The following SRR variants were observed in gnomAD, a reference collection of about 807,000 sequenced individuals.
SRR encodes the protein D-serine ammonia-lyase.
Under a neutral mutation model 32.7 loss-of-function variants are expected in SRR, and 19 were observed. The observed-to-expected ratio is 0.58, with a 90% confidence interval of 0.40 to 0.85. The LOEUF (loss-of-function observed/expected upper bound fraction) is 0.85. Ranked by LOEUF, SRR falls within the 40% of genes least tolerant of loss-of-function variation. The pLI, the probability that SRR is intolerant of heterozygous loss-of-function variation, is 0.00. For missense variants in SRR, 373 were observed against 404.7 expected (o/e 0.92, Z 0.67); for synonymous variants, 142 against 140.9 (o/e 1.01, Z -0.06).
At chr17:2,307,210 G>C (rs937490924) in intron 1 of SRR, 10 of 1,347,734 alleles carry the variant, frequency 7.4e-6, no homozygotes, top group Non-Finnish European at 1.0e-5. Context: ...CTTTGCCTTT[G>C]TAACCTTTGA....
intron 1 of SRR, among the ~76,000 whole-genome samples, chr17:2,305,918 C>T (rs905694108): frequency 5.9e-5 from 9 of 151,462 alleles, no homozygotes; most frequent in Non-Finnish European, 1.3e-4. Flanking sequence ...AGTCTGGTCT[C>T]GAACTCCTGA....
chr17:2,314,872 T>C (rs2075459740), intron 1 of SRR, among the ~76,000 whole-genome samples: 2 of 151,636 alleles, frequency 1.3e-5, no homozygotes, highest in African/African-American at 4.8e-5. Context: ...TATTAAAAAT[T>C]AAAAATTTAA....
At chr17:2,304,194 A>C (rs1217728467) in intron 1 of SRR, among the ~76,000 whole-genome samples, 177 bp downstream of exon 1, 1 of 151,510 alleles carries the variant, frequency 6.6e-6, no homozygotes, top group African/African-American at 2.4e-5. Context: ...GGCCCGGCCT[A>C]GCGCCGCGGG....
In SRR at chr17:2,323,867, T is replaced by C. The variant is rs1328353331; in HGVS notation, c.1017T>C (p.Ser339=). The change falls in exon 8 of 8, where the codon TCT becomes TCC. Residue 339 remains serine, a synonymous_variant. Transcript: ENST00000344595. ...GGCCAGCTTCTTATCAGTCTGTTTC[T>C]GTTTAATTTACAGAAAAGGAAATGG... ...AERPASYQSV[S]V 1 of 1,613,732 alleles carries C rather than the reference T, an allele frequency of 6.2e-7. No homozygotes were observed. Among genetic ancestry groups the C allele is most frequent in the Admixed American group, 1.7e-5 (1 of 59,998 alleles).
At chr17:2,320,033 T>C (rs965847207) in intron 4 of SRR, among the ~76,000 whole-genome samples, 33 of 150,864 alleles carry the variant, frequency 2.2e-4, no homozygotes, top group African/African-American at 4.9e-5. Flanking sequence ...TTAGCCAGGA[T>C]GGTCTCGATC....
Position 2,324,988 on chromosome 17 carries a change from C to T in SRR, c.*1115C>T. On this transcript the variant is annotated 3_prime_UTR_variant, in exon 8 of 8. Transcript: ENST00000344595. ...GGTAAACTGTAAGCCCACACTTAACCTTGTCAATAGGTTCTTGAAAACTTG... is the reference window on the plus strand; with the variant it reads ...GGTAAACTGTAAGCCCACACTTAACTTTGTCAATAGGTTCTTGAAAACTTG... The T allele has an allele frequency of 1.3e-6, 1 of 757,938 alleles. No homozygotes were observed. The highest frequency in any genetic ancestry group is 2.7e-5 in the East Asian group (1 of 36,564). The allele number at this position is 757,938 out of a possible 1,614,324, so 47.0% of individuals were successfully genotyped here.
chr17:2,313,407 C>T (rs954790881), intron 1 of SRR, among the ~76,000 whole-genome samples: 6 of 133,230 alleles, frequency 4.5e-5, no homozygotes, highest in Admixed American at 4.0e-4. Context: ...TCCAGCCTGG[C>T]GGCAGAGCAA....
In SRR at chr17:2,324,280, C is replaced by T; in HGVS notation, c.*407C>T. 6.4e-7 allele frequency: 1 copy of T among 1,555,244 alleles called. No individual in the cohort carries two copies. Among genetic ancestry groups the T allele is most frequent in the Non-Finnish European group, 8.6e-7 (1 of 1,156,142 alleles). On this transcript the variant is annotated 3_prime_UTR_variant, in exon 8 of 8. Coordinates refer to ENST00000344595, the MANE Select transcript of SRR (RefSeq NM_021947.3). ...GTTCTGGTACATATGGATCATAAGT[C>T]CATTTGGGGAAGACTCGTTTATACA...
rs762871375 is a variant in SRR at position 2,324,639 on chromosome 17, C to A, written c.*766C>A. 8.1e-6 allele frequency: 13 copies of A among 1,613,894 alleles called. No individual in the cohort carries two copies. Among genetic ancestry groups the A allele is most frequent in the Non-Finnish European group, 1.0e-5 (12 of 1,180,012 alleles). ...ATTTACCCACAAAATGTAAACCCAACCTTTATACCACAAAGGCAATCAGAT... is the reference window on the plus strand; with the variant it reads ...ATTTACCCACAAAATGTAAACCCAAACTTTATACCACAAAGGCAATCAGAT... On this transcript the variant is annotated 3_prime_UTR_variant, in exon 8 of 8. Coordinates refer to ENST00000344595, the MANE Select transcript of SRR (RefSeq NM_021947.3).
chr17:2,315,741 T>G lies in SRR; in HGVS notation c.168+13T>G. Reference sequence around the variant, plus strand: ...AGGATCTTTTAAGGTAACAATCCTTTTTCTCAGTGTATCATGTATGTTTTC... The same window carrying G: ...AGGATCTTTTAAGGTAACAATCCTTGTTCTCAGTGTATCATGTATGTTTTC... On this transcript the variant is annotated intron_variant, in intron 2 of 7. Coordinates refer to ENST00000344595, the MANE Select transcript of SRR (RefSeq NM_021947.3). The G allele has an allele frequency of 6.2e-7, 1 of 1,611,040 alleles. No individual in the cohort carries two copies.
chr17:2,306,920 C>G (rs777433122), intron 1 of SRR: 4 of 1,035,710 alleles, frequency 3.9e-6, no homozygotes, highest in East Asian at 4.7e-5. Context: ...ACCAAGCACT[C>G]CAGGGGCTTT....
intron 1 of SRR, among the ~76,000 whole-genome samples, chr17:2,311,956 T>A (rs2075436473): frequency 1.3e-5 from 2 of 152,128 alleles, no homozygotes; most frequent in Non-Finnish European, 2.9e-5. Flanking sequence ...ATGCCTGTAA[T>A]CCCAGCACTT....
chr17:2,315,852 AAG>A (rs1459777292), intron 2 of SRR, 124 bp downstream of exon 2: 4 of 990,776 alleles, frequency 4.0e-6, no homozygotes, highest in African/African-American at 1.6e-5. Flanking sequence ...AGCTGGAAAA[AAG>A]GTTACAGAAA....
chr17:2,307,358 G>A (rs1207758636), intron 1 of SRR: 1 of 1,070,456 alleles, frequency 9.3e-7, no homozygotes, highest in African/African-American at 1.5e-5. Context: ...AGTACTTCTG[G>A]AAACTTTGGT....
intron 1 of SRR, among the ~76,000 whole-genome samples, chr17:2,309,146 A>G (rs1334296163): frequency 6.6e-6 from 1 of 152,116 alleles, no homozygotes; most frequent in Non-Finnish European, 1.5e-5. Flanking sequence ...AATAATTTGT[A>G]GAGGCAGGGT....
At chr17:2,321,747 T>G in intron 6 of SRR, 131 bp downstream of exon 6, 1 of 771,788 alleles carries the variant, frequency 1.3e-6, no homozygotes, top group Non-Finnish European at 2.2e-6. Context: ...GGACTTGAGA[T>G]GAAGGCCCAT....
chr17:2,315,771 C>T, intron 2 of SRR, 43 bp downstream of exon 2: 1 of 1,564,400 alleles, frequency 6.4e-7, no homozygotes, highest in Non-Finnish European at 8.8e-7. Context: ...GTTTTCACAC[C>T]CTTTCACATA....
upstream of SRR, chr17:2,303,734 G>T (rs766541175): frequency 2.7e-6 from 4 of 1,489,388 alleles, no homozygotes; most frequent in South Asian, 5.0e-5. Context: ...CGCGGCTGCT[G>T]CTACAGCCGT....
chr17:2,323,555 A>AT, intron 7 of SRR, 100 bp from the exon 8 acceptor site: 1 of 1,323,476 alleles, frequency 7.6e-7, no homozygotes, highest in Non-Finnish European at 1.1e-6. Flanking sequence ...GTACACAGTG[A>AT]TAAGAAAATT....
Sources: allele counts gnomAD v4.1 joint callset (sites outside exome capture counted in the v4.1 genomes callset), GRCh38; gene constraint gnomAD v4.1.1; transcripts MANE v1.5; gene names NCBI Gene and HGNC (gene_info 2026-07-23, HGNC 2026-07-21).